Variants in IRAK3 observed in about 807,000 individuals in gnomAD.
IRAK3 encodes the protein interleukin-1 receptor-associated kinase 3.
Under a neutral mutation model 56.6 loss-of-function variants are expected in IRAK3, and 57 were observed. That is an observed-to-expected ratio of 1.01 (90% CI 0.81 to 1.26). The LOEUF (loss-of-function observed/expected upper bound fraction) is 1.26, where lower values mean the gene tolerates loss of function less well. Among genes scored for constraint, IRAK3 ranks in the 50% most tolerant of loss-of-function variants. The pLI, the probability that IRAK3 is intolerant of heterozygous loss-of-function variation, is 0.00. For missense variants in IRAK3, 703 were observed against 719.0 expected (o/e 0.98, Z 0.25); for synonymous variants, 258 against 255.7 (o/e 1.01, Z -0.09).
intron 1 of IRAK3, 131 bp downstream of exon 1, chr12:66,189,563 C>A: frequency 2.1e-6 from 1 of 476,522 alleles, no homozygotes; most frequent in Non-Finnish European, 2.9e-6. Context: ...CGCCAGGGAG[C>A]CGGCCCCCTC....
At chr12:66,220,595 A>G (rs1431634190) in intron 6 of IRAK3, among the ~76,000 whole-genome samples, 1 of 126,284 alleles carries the variant, frequency 7.9e-6, no homozygotes, top group Non-Finnish European at 1.6e-5. Context: ...ATCTCGGCTC[A>G]CTGCAAGCTC....
intron 6 of IRAK3, among the ~76,000 whole-genome samples, chr12:66,218,385 A>T (rs895932157): frequency 1.3e-5 from 2 of 152,142 alleles, no homozygotes; most frequent in Admixed American, 1.3e-4. Context: ...CCTTGTATAT[A>T]TGTTATTTCA....
intron 8 of IRAK3, among the ~76,000 whole-genome samples, chr12:66,241,869 C>T (rs2052973275): frequency 1.3e-5 from 2 of 152,218 alleles, no homozygotes; most frequent in Admixed American, 1.3e-4. Flanking sequence ...GCTGACTCAC[C>T]ATTTGCTGAA....
chr12:66,193,697 G>GT (rs1298508237), intron 1 of IRAK3, among the ~76,000 whole-genome samples: 1 of 152,074 alleles, frequency 6.6e-6, no homozygotes, highest in Non-Finnish European at 1.5e-5. Context: ...TTTGTCTGAT[G>GT]TTTTTCTCAT....
At chr12:66,215,507 A>G (rs2052660598) in intron 5 of IRAK3, among the ~76,000 whole-genome samples, 1 of 152,224 alleles carries the variant, frequency 6.6e-6, no homozygotes, top group South Asian at 2.1e-4. Flanking sequence ...GCTTTTTTTG[A>G]AGAGCTCTTA....
At chr12:66,203,472 G>T (rs1482515531) in intron 1 of IRAK3, among the ~76,000 whole-genome samples, 23 of 152,148 alleles carry the variant, frequency 1.5e-4, no homozygotes, top group Admixed American at 1.5e-3. Flanking sequence ...GGAAAAACTA[G>T]TGAAATTAGA....
rs1026598195 is a variant in IRAK3, at chr12:66,254,379, A to G, written c.*6208A>G. On this transcript the variant is annotated 3_prime_UTR_variant, in exon 12 of 12. Transcript: ENST00000261233. ...ATTGCTATGGATATATGTTCCCAAA[A>G]TATTATTGAATCAAAAAGTAGACTA... The G allele has an allele frequency of 1.3e-5, 2 of 152,186 alleles. No homozygotes were observed. Among genetic ancestry groups the G allele is most frequent in the Admixed American group, 1.3e-4 (2 of 15,282 alleles). 9.4% of individuals were successfully genotyped at this position (152,186 alleles called of 1,614,324 possible).
At chr12:66,245,297 C>G in intron 11 of IRAK3, 35 bp downstream of exon 11, 1 of 1,604,386 alleles carries the variant, frequency 6.2e-7, no homozygotes, top group Non-Finnish European at 8.5e-7. Context: ...AAAACTGAGC[C>G]CACAGAACCA....
At chr12:66,235,193 A>G (rs139859235) in intron 8 of IRAK3, 95 of 1,251,594 alleles carry the variant, frequency 7.6e-5, no homozygotes, top group Non-Finnish European at 8.3e-5. Context: ...GGGAGGGGCC[A>G]TGGGGTGGGC....
At chr12:66,221,005 A>C (rs1257697894) in intron 6 of IRAK3, among the ~76,000 whole-genome samples, 3 of 152,182 alleles carry the variant, frequency 2.0e-5, no homozygotes, top group African/African-American at 7.2e-5. Context: ...CAGGTATGTA[A>C]TGCATCTTTC....
At chr12:66,203,371 C>T (rs1237030763) in intron 1 of IRAK3, among the ~76,000 whole-genome samples, 1 of 152,008 alleles carries the variant, frequency 6.6e-6, no homozygotes, top group Non-Finnish European at 1.5e-5. Flanking sequence ...ACTGAGGGAC[C>T]ATCATAGATT....
intron 1 of IRAK3, among the ~76,000 whole-genome samples, chr12:66,200,574 T>C (rs1467152540): frequency 6.6e-6 from 1 of 152,178 alleles, no homozygotes; most frequent in African/African-American, 2.4e-5. Flanking sequence ...GGGCCAGTCA[T>C]GGTTTCATAT....
At chr12:66,239,588 T>C (rs1198745173) in intron 8 of IRAK3, among the ~76,000 whole-genome samples, 1 of 152,210 alleles carries the variant, frequency 6.6e-6, no homozygotes, top group Non-Finnish European at 1.5e-5. Context: ...TAAGATTCTT[T>C]AATCAGTCTC....
At chr12:66,206,178 C>T (rs2052556429) in intron 2 of IRAK3, among the ~76,000 whole-genome samples, 1 of 152,166 alleles carries the variant, frequency 6.6e-6, no homozygotes, top group Non-Finnish European at 1.5e-5. Context: ...AGTGCCCATA[C>T]AGCCCCCAGA....
chr12:66,208,194 A>G (rs2136922469), intron 2 of IRAK3, among the ~76,000 whole-genome samples: 1 of 152,308 alleles, frequency 6.6e-6, no homozygotes, highest in South Asian at 2.1e-4. Flanking sequence ...ACAAAATGTT[A>G]GAAATGACAG....
intron 6 of IRAK3, among the ~76,000 whole-genome samples, chr12:66,221,721 A>G (rs1364166966): frequency 6.6e-6 from 1 of 152,138 alleles, no homozygotes; most frequent in African/African-American, 2.4e-5. Flanking sequence ...TGACTCTGGT[A>G]TTTCATCCTA....
intron 8 of IRAK3, among the ~76,000 whole-genome samples, chr12:66,239,874 A>T (rs767182920): frequency 2.6e-5 from 4 of 152,192 alleles, no homozygotes; most frequent in African/African-American, 9.7e-5. Context: ...GGTACATGCC[A>T]GTTTTTTTCT....
At chr12:66,225,060 G>C (rs2052771662) in intron 6 of IRAK3, among the ~76,000 whole-genome samples, 1 of 152,020 alleles carries the variant, frequency 6.6e-6, no homozygotes, top group Admixed American at 6.5e-5. Context: ...TTTTCTGTTT[G>C]ATCAGTAATA....
At chr12:66,197,077 A>C (rs538715835) in intron 1 of IRAK3, 2 of 1,366,204 alleles carry the variant, frequency 1.5e-6, no homozygotes, top group Admixed American at 3.4e-5. Context: ...ACAGCCTTCA[A>C]GGACTTTTGA....
Sources: gnomAD v4.1 joint callset for allele counts (sites outside exome capture counted in the v4.1 genomes callset) on GRCh38, gnomAD v4.1.1 for gene constraint, MANE v1.5 for transcripts, NCBI Gene and HGNC (gene_info 2026-07-23, HGNC 2026-07-21) for gene names.